The following DLGAP2 variants were observed in gnomAD, a reference collection of about 807,000 sequenced individuals.
DLGAP2 encodes DLG associated protein 2, also known as disks large-associated protein 2.
In DLGAP2, 26 loss-of-function variants were observed where a neutral mutation model predicts 100.3. The observed-to-expected ratio is 0.26, with a 90% confidence interval of 0.19 to 0.36. The LOEUF (loss-of-function observed/expected upper bound fraction) is 0.36, where lower values mean the gene tolerates loss of function less well. Among genes scored for constraint, DLGAP2 ranks in the 10% least tolerant of loss-of-function variants. The pLI is 1.00. For missense variants in DLGAP2, 1,858 were observed against 1,453.2 expected, an observed-to-expected ratio of 1.28 and a Z score of -4.53; for synonymous variants, 886 against 630.1, an observed-to-expected ratio of 1.41 and a Z score of -6.08.
At position 885,250 on chromosome 8, in the gene DLGAP2, A is replaced by T. The variant is rs566493385; in HGVS notation, c.19-22662A>T. ...CATTTTCACAGTATTGATTCTTCCT[A>T]TCCATGAGGATGGAATGTTTTTCTA... On this transcript the variant is annotated intron_variant, in intron 1 of 14. Coordinates refer to ENST00000637795, the MANE Select transcript of DLGAP2 (RefSeq NM_001346810.2). Among the ~76,000 whole-genome samples the T allele has an allele frequency of 2.0e-5, 3 of 152,262 alleles. No homozygotes were observed. The South Asian group carries it at 6.2e-4, about 32-fold the overall frequency.
intron 3 of DLGAP2, among the ~76,000 whole-genome samples, chr8:1,496,608 G>A (rs530163071): frequency 1.1e-4 from 16 of 152,242 alleles, no homozygotes; most frequent in African/African-American, 2.4e-4. Context: ...TGATCACGGC[G>A]CCCTATGTTT....
intron 2 of DLGAP2, among the ~76,000 whole-genome samples, chr8:936,955 C>T (rs139320622): frequency 1.3e-5 from 2 of 152,264 alleles, no homozygotes; most frequent in Middle Eastern, 3.4e-3. Context: ...TCAATACTGC[C>T]CTTTCTAAAG....
intron 3 of DLGAP2, among the ~76,000 whole-genome samples, chr8:1,500,286 C>T (rs1198993325): frequency 6.6e-6 from 1 of 152,236 alleles, no homozygotes; most frequent in Non-Finnish European, 1.5e-5. Context: ...TCGGGCAGAG[C>T]CTCCCTGAGA....
intron 1 of DLGAP2, among the ~76,000 whole-genome samples, chr8:790,676 C>A (rs1040818807): frequency 6.6e-6 from 1 of 152,150 alleles, no homozygotes; most frequent in African/African-American, 2.4e-5. Context: ...TTCCTGGTTT[C>A]TCTCTTTCAT....
intron 2 of DLGAP2, among the ~76,000 whole-genome samples, chr8:1,209,371 ATTTG>A (rs1205190895): frequency 1.3e-5 from 2 of 152,122 alleles, no homozygotes; most frequent in African/African-American, 2.4e-5. Flanking sequence ...GGGTTCGTTT[ATTTG>A]TTTATTAGCT....
chr8:989,749 A>G (rs944380996), intron 2 of DLGAP2, among the ~76,000 whole-genome samples: 4 of 152,180 alleles, frequency 2.6e-5, no homozygotes, highest in Admixed American at 2.0e-4. Flanking sequence ...AATCTTATGA[A>G]ATACATAATA....
At chr8:1,259,579 G>C (rs1799303478) in intron 3 of DLGAP2, 1 of 152,246 alleles carries the variant, frequency 6.6e-6, no homozygotes, top group South Asian at 2.1e-4. Context: ...AAATTGGCTA[G>C]AAAAAGAGTC....
chr8:1,103,843 C>G (rs979777158), intron 2 of DLGAP2, among the ~76,000 whole-genome samples: 2 of 152,084 alleles, frequency 1.3e-5, no homozygotes, highest in Admixed American at 1.3e-4. Flanking sequence ...CAGGAGTGTG[C>G]AAGTGGTTGT....
intron 2 of DLGAP2, among the ~76,000 whole-genome samples, chr8:990,099 G>A (rs1247414398): frequency 6.6e-6 from 1 of 152,008 alleles, no homozygotes; most frequent in Non-Finnish European, 1.5e-5. Context: ...GGTCATCTAC[G>A]ACTTCAGTGC....
intron 2 of DLGAP2, among the ~76,000 whole-genome samples, chr8:1,040,665 T>C (rs1802319575): frequency 6.6e-6 from 1 of 150,438 alleles, no homozygotes; most frequent in Non-Finnish European, 1.5e-5. Flanking sequence ...GTCGGCTTGG[T>C]GTGTGTGGTC....
At chr8:942,299 C>T (rs769819274) in intron 2 of DLGAP2, among the ~76,000 whole-genome samples, 2 of 152,220 alleles carry the variant, frequency 1.3e-5, no homozygotes, top group African/African-American at 2.4e-5. Context: ...GTAACCTGAC[C>T]TCACATTTAT....
intron 2 of DLGAP2, among the ~76,000 whole-genome samples, chr8:1,165,166 CAG>C (rs1229032799): frequency 2.7e-5 from 3 of 109,934 alleles, no homozygotes; most frequent in Non-Finnish European, 5.1e-5. Context: ...GGAAAGGAGA[CAG>C]AGAGAGAGGG....
chr8:969,986 T>C (rs894717631), intron 2 of DLGAP2, among the ~76,000 whole-genome samples: 8 of 152,230 alleles, frequency 5.3e-5, no homozygotes, highest in Non-Finnish European at 1.2e-4. Context: ...GTTCACACCA[T>C]TGACAAATGA....
intron 2 of DLGAP2, among the ~76,000 whole-genome samples, chr8:1,095,062 A>C (rs971257756): frequency 1.4e-5 from 2 of 141,052 alleles, no homozygotes; most frequent in Non-Finnish European, 3.1e-5. Context: ...ACTGGCGTGG[A>C]CCACCTTCCC....
intron 3 of DLGAP2, among the ~76,000 whole-genome samples, chr8:1,352,744 C>A (rs1430630875): frequency 2.0e-5 from 3 of 152,144 alleles, no homozygotes; most frequent in African/African-American, 7.2e-5. Context: ...CCTGCAAATG[C>A]ATTTCTCCTG....
intron 2 of DLGAP2, among the ~76,000 whole-genome samples, chr8:1,127,941 A>T (rs1337853017): frequency 1.3e-5 from 2 of 152,232 alleles, no homozygotes; most frequent in African/African-American, 4.8e-5. Context: ...AGCCACGCAA[A>T]ATGTTCTAAA....
intron 2 of DLGAP2, among the ~76,000 whole-genome samples, chr8:1,174,185 C>T (rs554649953): frequency 2.0e-4 from 30 of 152,150 alleles, no homozygotes; most frequent in Admixed American, 7.9e-4. Context: ...GTACATTTTC[C>T]AGGATTCTAA....
At chr8:1,660,599 C>G (rs1798387247) in intron 8 of DLGAP2, among the ~76,000 whole-genome samples, 1 of 152,200 alleles carries the variant, frequency 6.6e-6, no homozygotes, top group Non-Finnish European at 1.5e-5. Context: ...TTAACTTCTA[C>G]AGTGTTTCCA....
intron 2 of DLGAP2, among the ~76,000 whole-genome samples, chr8:1,055,707 C>T (rs903900079): frequency 6.6e-6 from 1 of 152,214 alleles, no homozygotes. Context: ...AGAGCTGCAT[C>T]CCCTGCCATA....
Sources: gnomAD v4.1 joint callset for allele counts (sites outside exome capture counted in the v4.1 genomes callset) on GRCh38, gnomAD v4.1.1 for gene constraint, MANE v1.5 for transcripts, NCBI Gene and HGNC (gene_info 2026-07-23, HGNC 2026-07-21) for gene names.